The following UNC13B variants were observed in gnomAD, a reference collection of about 807,000 sequenced individuals.
UNC13B encodes unc-13 homolog B.
In UNC13B, 144 loss-of-function variants were observed where a neutral mutation model predicts 211.0. The ratio of observed to expected loss-of-function variants is 0.68; its 90% CI spans 0.60 to 0.78. The LOEUF is 0.78. Among genes scored for constraint, UNC13B ranks in the 30% least tolerant of loss-of-function variants. UNC13B has a pLI of 0.00. For missense variants in UNC13B, 1,777 were observed against 2,002.0 expected, an observed-to-expected ratio of 0.89 and a Z score of 2.14; for synonymous variants, 709 against 725.8, an observed-to-expected ratio of 0.98 and a Z score of 0.37.
intron 1 of UNC13B, 25 bp from the exon 2 acceptor site, chr9:35,227,990 T>A: frequency 1.2e-6 from 2 of 1,609,194 alleles, no homozygotes; most frequent in Non-Finnish European, 1.7e-6. Context: ...ACATTCTTCA[T>A]GGTATCCTCT....
At chr9:35,292,197 A>T (rs1172227899) in intron 7 of UNC13B, among the ~76,000 whole-genome samples, 1 of 152,122 alleles carries the variant, frequency 6.6e-6, no homozygotes, top group African/African-American at 2.4e-5. Context: ...CCAAGACTCA[A>T]TCCAGGAATA....
At chr9:35,340,160 T>G (rs1243751137) in intron 11 of UNC13B, among the ~76,000 whole-genome samples, 1 of 152,238 alleles carries the variant, frequency 6.6e-6, no homozygotes, top group Admixed American at 6.5e-5. Flanking sequence ...CAAGTTATTT[T>G]TTTCCTCTGT....
At chr9:35,218,356 G>A (rs1824374080) in intron 1 of UNC13B, among the ~76,000 whole-genome samples, 1 of 151,982 alleles carries the variant, frequency 6.6e-6, no homozygotes, top group African/African-American at 2.4e-5. Context: ...TTTGGTGTGA[G>A]TCTAGATCTG....
intron 11 of UNC13B, chr9:35,351,931 G>A (rs1186173378): frequency 1.6e-6 from 2 of 1,232,248 alleles, no homozygotes; most frequent in African/African-American, 1.5e-5. Flanking sequence ...GCCGTGAACA[G>A]CGGGAACCTT....
chr9:35,371,349 C>CTTTTT (rs751513784), intron 13 of UNC13B, among the ~76,000 whole-genome samples: 9 of 138,830 alleles, frequency 6.5e-5, no homozygotes, highest in East Asian at 2.1e-4. Flanking sequence ...TTCTTTCTTT[C>CTTTTT]TTTTTTTTTT....
chr9:35,402,012 G>A, intron 37 of UNC13B: 2 of 1,550,354 alleles, frequency 1.3e-6, no homozygotes, highest in Non-Finnish European at 1.7e-6. Flanking sequence ...AAAAGGGTAT[G>A]TTGTACACCG....
intron 26 of UNC13B, among the ~76,000 whole-genome samples, 156 bp downstream of exon 26, chr9:35,390,870 A>G (rs918044997): frequency 3.9e-5 from 6 of 152,052 alleles, no homozygotes; most frequent in African/African-American, 1.4e-4. Flanking sequence ...GCCCCGGGAG[A>G]CCTTGGGTGG....
rs941652029 is a variant in UNC13B, at chr9:35,177,126, A to T, written c.22+14821A>T. 2.2e-4 allele frequency among the ~76,000 whole-genome samples: 34 copies of T among 152,282 alleles called. No homozygotes were observed. In the East Asian group the frequency reaches 4.6e-3, roughly 21 times the overall value. On this transcript the variant is annotated intron_variant, in intron 1 of 39. Coordinates refer to ENST00000635942, the MANE Select transcript of UNC13B (RefSeq NM_001371189.2). ...GAAACCCCATCTCTATTTAAAAAAA[A>T]TTAAAAAAAAATTAGTCGGGCGTGG...
intron 1 of UNC13B, among the ~76,000 whole-genome samples, chr9:35,204,461 C>T (rs979361798): frequency 2.6e-4 from 40 of 152,204 alleles, no homozygotes; most frequent in African/African-American, 8.9e-4. Flanking sequence ...CTGGAAAAGC[C>T]ACAGGCACTC....
Position 35,257,580 on chromosome 9 carries a change from CAAAAAAA to C in UNC13B, c.469-1389_469-1383del, listed in dbSNP as rs1160474466. Among the ~76,000 whole-genome samples the C allele has an allele frequency of 3.7e-3, 134 of 36,378 alleles. 2 individuals are homozygous for C. The Middle Eastern group carries it at 0.083, about 23-fold the overall frequency. The allele number at this position is 36,378 out of a possible 152,430, so 23.9% of individuals were successfully genotyped here. A position where few individuals can be genotyped will look rare whatever the true frequency, so the allele number is the denominator to read the frequency against. ...TGGGAGAAAGAGTGAGAATCTGTAT[CAAAAAAA>C]AAAAAAAAAAAAAAAAAAAAAAAGA... On this transcript the variant is annotated intron_variant, in intron 6 of 39. Transcript: ENST00000635942.
At position 35,403,841 on chromosome 9, in the gene UNC13B, G is replaced by T. The variant is rs372431164; in HGVS notation, c.12831G>T (p.Leu4277=). ...CCCGGGAAGATCGCGTGCTAGGGCT[G>T]GCTGTGATGCCTCTGAGGGATGTCA... The part of the protein sequence containing the change: ...CFAREDRVLG[L]AVMPLRDVTA... The change falls in exon 40 of 40, where the codon CTG becomes CTT. Residue 4277 remains leucine, a synonymous_variant. Coordinates refer to ENST00000635942, the MANE Select transcript of UNC13B (RefSeq NM_001371189.2). The T allele has an allele frequency of 6.2e-7, 1 of 1,614,174 alleles. No individual in the cohort carries two copies. Among genetic ancestry groups the T allele is most frequent in the Non-Finnish European group, 8.5e-7 (1 of 1,180,038 alleles).
intron 7 of UNC13B, among the ~76,000 whole-genome samples, chr9:35,268,256 G>A (rs774950185): frequency 2.0e-5 from 3 of 152,148 alleles, no homozygotes; most frequent in Non-Finnish European, 2.9e-5. Context: ...CTCTCCCAAA[G>A]GTTGCTGGGT....
intron 7 of UNC13B, among the ~76,000 whole-genome samples, chr9:35,261,941 A>G (rs566963014): frequency 6.6e-6 from 1 of 152,236 alleles, no homozygotes; most frequent in African/African-American, 2.4e-5. Flanking sequence ...TATTGTTGCA[A>G]ATGACAGGAT....
At chr9:35,354,438 A>G (rs116784346) in intron 11 of UNC13B, among the ~76,000 whole-genome samples, 2,939 of 152,206 alleles carry the variant, frequency 0.019, 92 homozygotes, top group African/African-American at 0.063. Flanking sequence ...AGCTGCTTAT[A>G]GTGCTGACCT....
At chr9:35,177,564 A>AT (rs1302303115) in intron 1 of UNC13B, among the ~76,000 whole-genome samples, 2 of 152,206 alleles carry the variant, frequency 1.3e-5, no homozygotes, top group Non-Finnish European at 2.9e-5. Flanking sequence ...TGTGTTTGAA[A>AT]TTCTATTGTA....
intron 17 of UNC13B, 99 bp downstream of exon 17, chr9:35,378,535 G>C (rs1411662271): frequency 5.3e-6 from 8 of 1,504,556 alleles, no homozygotes; most frequent in African/African-American, 1.4e-5. Flanking sequence ...ATTGGGCAAA[G>C]GCAGGGGAGA....
Position 35,381,571 on chromosome 9 carries a change from C to T in UNC13B, c.10507C>T (p.Leu3503Phe). 1.2e-6 allele frequency: 2 copies of T among 1,613,802 alleles called. No homozygotes were observed. Among genetic ancestry groups the T allele is most frequent in the South Asian group, 2.2e-5 (2 of 91,064 alleles). ...TCLHENLFHY[L>F]TDIQGSGGVR... is the part of the protein sequence containing the mutation. ...TCTCCTGCAGAATCTTTTCCATTAC[C>T]TCACAGACATTCAGGGCAGTGGAGG... The change falls in exon 20 of 40, where the codon CTC becomes TTC. Residue 3503 changes from leucine (L) to phenylalanine (F), a missense_variant. Transcript: ENST00000635942.
chr9:35,299,129 G>A (rs1829545746), intron 8 of UNC13B, among the ~76,000 whole-genome samples: 1 of 152,122 alleles, frequency 6.6e-6, no homozygotes, highest in Non-Finnish European at 1.5e-5. Flanking sequence ...CTACTCGGGA[G>A]GCTGAGGCAG....
At chr9:35,357,567 A>ATTTTT (rs1481380257) in intron 11 of UNC13B, among the ~76,000 whole-genome samples, 2 of 141,916 alleles carry the variant, frequency 1.4e-5, no homozygotes, top group Non-Finnish European at 3.1e-5. Context: ...TGAAGCATAC[A>ATTTTT]TTTTTTTATT....
Sources: allele counts gnomAD v4.1 joint callset (sites outside exome capture counted in the v4.1 genomes callset), GRCh38; gene constraint gnomAD v4.1.1; transcripts MANE v1.5; gene names NCBI Gene and HGNC (gene_info 2026-07-23, HGNC 2026-07-21).